Variants in SERPINA10 observed in about 807,000 individuals in gnomAD.
SERPINA10 encodes the protein protein Z-dependent protease inhibitor.
In SERPINA10, 24 loss-of-function variants were observed where a neutral mutation model predicts 28.0. The ratio of observed to expected loss-of-function variants is 0.86; its 90% CI spans 0.62 to 1.20. SERPINA10 has a LOEUF of 1.20. SERPINA10 is among the 50% of genes most tolerant of loss of function. SERPINA10 has a pLI of 0.00. For synonymous variants in SERPINA10, 207 were observed against 203.9 expected (o/e 1.02, Z -0.13); for missense variants, 521 against 537.7 (o/e 0.97, Z 0.31).
chr14:94,292,108 T>C (rs1232306658), intron 1 of SERPINA10, among the ~76,000 whole-genome samples: 1 of 152,230 alleles, frequency 6.6e-6, no homozygotes, highest in African/African-American at 2.4e-5. Flanking sequence ...TTTATTGTTA[T>C]GGACTGAATG....
chr14:94,292,002 A>G (rs921410295), intron 1 of SERPINA10, among the ~76,000 whole-genome samples: 37 of 152,064 alleles, frequency 2.4e-4, no homozygotes, highest in African/African-American at 6.3e-4. Flanking sequence ...GCTCTTTTTG[A>G]CTCTAAATGG....
At chr14:94,292,050 C>T (rs76540054) in intron 1 of SERPINA10, among the ~76,000 whole-genome samples, 188 of 152,330 alleles carry the variant, frequency 1.2e-3, no homozygotes, top group African/African-American at 4.2e-3. Flanking sequence ...GTATTGTAAA[C>T]GTTGGGTAAA....
In SERPINA10 at chr14:94,290,436, TG is replaced by T; in HGVS notation, c.157del (p.Gln53ArgfsTer16). On this transcript the variant is annotated frameshift_variant, in exon 2 of 5. Transcript: ENST00000261994. LOFTEE classifies it high-confidence loss of function. ...QAPKEEEEDE[Q>X]EASEEKASEE... ...ACTGGCCTTCTCCTCGCTGGCCTCC[TG>T]CTCATCTTCCTCTTCCTCCTTGGGA... 6.2e-7 allele frequency: 1 copy of T among 1,613,736 alleles called. No homozygotes were observed. Among genetic ancestry groups the T allele is most frequent in the Non-Finnish European group, 8.5e-7 (1 of 1,179,762 alleles).
chr14:94,287,752 C>T (rs757311482), intron 3 of SERPINA10, among the ~76,000 whole-genome samples: 10 of 152,196 alleles, frequency 6.6e-5, no homozygotes, highest in Admixed American at 2.0e-4. Flanking sequence ...TGATGTTCTT[C>T]AAACCCACCA....
In SERPINA10 at chr14:94,281,793, T is replaced by C. The variant is rs1894907806; in HGVS notation, c.*2172A>G. 1 of 152,220 alleles carries C rather than the reference T, an allele frequency of 6.6e-6. No homozygotes were observed. Among genetic ancestry groups the C allele is most frequent in the Non-Finnish European group, 1.5e-5 (1 of 68,040 alleles). 9.4% of individuals were successfully genotyped at this position (152,220 alleles called of 1,614,324 possible). A position where few individuals can be genotyped will look rare whatever the true frequency, so the allele number is the denominator to read the frequency against. ...AGAAGGCAGGAGTTTTTTATCTGCA[T>C]GCTATATGAATCCTTCAATAATAAT... On this transcript the variant is annotated 3_prime_UTR_variant, in exon 5 of 5. Transcript: ENST00000261994.
At chr14:94,285,578 CACAT>C (rs759302554) in intron 4 of SERPINA10, among the ~76,000 whole-genome samples, 1 of 146,896 alleles carries the variant, frequency 6.8e-6, no homozygotes, top group Non-Finnish European at 1.5e-5. Flanking sequence ...TATATATACA[CACAT>C]ATATATATAT....
chr14:94,291,123 C>T (rs1431159111), intron 1 of SERPINA10, among the ~76,000 whole-genome samples: 3 of 152,210 alleles, frequency 2.0e-5, no homozygotes, highest in Non-Finnish European at 4.4e-5. Context: ...GCCTGCATGC[C>T]CGTTAGGCAA....
chr14:94,285,848 T>C (rs899970527), intron 4 of SERPINA10, among the ~76,000 whole-genome samples: 2 of 152,170 alleles, frequency 1.3e-5, no homozygotes, highest in African/African-American at 2.4e-5. Context: ...CCAGTTCTAT[T>C]TCAGGGTCAA....
At chr14:94,288,178 T>G in intron 3 of SERPINA10, 108 bp downstream of exon 3, 2 of 1,464,214 alleles carry the variant, frequency 1.4e-6, no homozygotes, top group Non-Finnish European at 1.9e-6. Flanking sequence ...AGGAAACTTA[T>G]AGCTCACTGG....
In SERPINA10 at chr14:94,286,141, G is replaced by C. The variant is rs1566717651; in HGVS notation, c.1110C>G (p.Leu370=). Residue 370 remains leucine, a synonymous_variant, in exon 4 of 5, where the codon CTC becomes CTG. Coordinates refer to ENST00000261994, the MANE Select transcript of SERPINA10 (RefSeq NM_001100607.3). ...IFSPFADLSE[L]SATGRNLQVS... ...CTTGGAGATTTCTTCCAGTAGCTGA[G>C]AGTTCACTAAGGTCAGCAAAGGGTG... is the stretch of plus-strand genomic sequence containing the variant. The C allele has an allele frequency of 6.2e-7, 1 of 1,614,128 alleles. No homozygotes were observed. The highest frequency in any genetic ancestry group is 8.5e-7 in the Non-Finnish European group (1 of 1,180,022).
Position 94,288,554 on chromosome 14 carries a change from A to G in SERPINA10, c.724T>C (p.Trp242Arg). The change falls in exon 3 of 5, where the codon TGG becomes CGG. Residue 242 changes from tryptophan to arginine, a missense_variant. Trp to Arg is a moderately radical substitution (Grantham distance 101). Transcript: ENST00000261994. ...LVDYILFKGKWLTPFDPVFTE... is the reference protein window; with the variant it reads ...LVDYILFKGKRLTPFDPVFTE... ...AAGACAGGGTCAAATGGGGTCAACCATTTCCCTGAACAAGTAAGAGAAGAA... is the reference window on the plus strand; with the variant it reads ...AAGACAGGGTCAAATGGGGTCAACCGTTTCCCTGAACAAGTAAGAGAAGAA... The G allele has an allele frequency of 1.2e-6, 2 of 1,614,210 alleles. No individual in the cohort carries two copies. The highest frequency in any genetic ancestry group is 8.5e-7 in the Non-Finnish European group (1 of 1,180,026).
Position 94,290,549 on chromosome 14 carries a change from C to T in SERPINA10, c.45G>A (p.Gln15=), listed in dbSNP as rs1191908483. ...PSLLLSVLLA[Q]VWLVPGLAPS... ...GGGCCAAGCCGGGTACCAGCCACAC[C>T]TGTGCCAGGAGGACGGAGAGCAGGA... Residue 15 remains glutamine, a synonymous_variant, in exon 2 of 5, where the codon CAG becomes CAA. Coordinates refer to ENST00000261994, the MANE Select transcript of SERPINA10 (RefSeq NM_001100607.3). 1.9e-6 allele frequency: 3 copies of T among 1,613,678 alleles called. No individual in the cohort carries two copies. The highest frequency in any genetic ancestry group is 2.5e-6 in the Non-Finnish European group (3 of 1,179,888).
In SERPINA10 at chr14:94,283,775, A is replaced by G. The variant is rs1346161405; in HGVS notation, c.*190T>C. 8.0e-6 allele frequency: 5 copies of G among 625,818 alleles called. No homozygotes were observed. Among genetic ancestry groups the G allele is most frequent in the South Asian group, 5.8e-5 (3 of 51,692 alleles). 38.8% of individuals were successfully genotyped at this position (625,818 alleles called of 1,614,324 possible). A position where few individuals can be genotyped will look rare whatever the true frequency, so the allele number is the denominator to read the frequency against. On this transcript the variant is annotated 3_prime_UTR_variant, in exon 5 of 5. Coordinates refer to ENST00000261994, the MANE Select transcript of SERPINA10 (RefSeq NM_001100607.3). Reference sequence around the variant, plus strand: ...TTCAGCACTGTCCACCGTTTCAGGCATCTGCTGGGGGTCTTTGAATGTATC... The same window carrying G: ...TTCAGCACTGTCCACCGTTTCAGGCGTCTGCTGGGGGTCTTTGAATGTATC...
chr14:94,289,066 A>G (rs1326355787), intron 2 of SERPINA10, among the ~76,000 whole-genome samples: 1 of 152,232 alleles, frequency 6.6e-6, no homozygotes, highest in Non-Finnish European at 1.5e-5. Flanking sequence ...CACAATGCAG[A>G]GGCTACTAGC....
intron 4 of SERPINA10, 54 bp downstream of exon 4, chr14:94,286,054 G>C (rs936529645): frequency 6.2e-7 from 1 of 1,603,374 alleles, no homozygotes; most frequent in Non-Finnish European, 8.5e-7. Flanking sequence ...AAAAGCATTT[G>C]TTTTGGTGAC....
At position 94,290,367 on chromosome 14, in the gene SERPINA10, G is replaced by A. The variant is rs755580738; in HGVS notation, c.227C>T (p.Ala76Val). 33 of 1,614,080 alleles carry A rather than the reference G, an allele frequency of 2.0e-5. No individual in the cohort carries two copies. The highest frequency in any genetic ancestry group is 3.3e-5 in the South Asian group (3 of 91,092). ...AWLMASRQQLAKETSNFGFSL... is the reference protein window; with the variant it reads ...AWLMASRQQLVKETSNFGFSL... Reference sequence around the variant, plus strand: ...GAATCCGAAGTTTGAAGTCTCCTTGGCAAGCTGCTGCCTGCTGGCCATCAG... The same window carrying A: ...GAATCCGAAGTTTGAAGTCTCCTTGACAAGCTGCTGCCTGCTGGCCATCAG... Residue 76 changes from alanine (A) to valine (V), a missense_variant, in exon 2 of 5, where the codon GCC (alanine) becomes GTC (valine). Physicochemically the swap from Ala to Val is moderately conservative, Grantham distance 64 (BLOSUM62 0). Transcript: ENST00000261994.
At position 94,289,889 on chromosome 14, in the gene SERPINA10, G is replaced by A. The variant is rs775233403; in HGVS notation, c.705C>T (p.Tyr235=). ...NPETKLILVD[Y]ILFKGKWLTP... is the part of the protein sequence containing the mutation. ...TTATCAAAGTACCTTTGAACAAGAT[G>A]TAATCCACAAGAATTAATTTGGTTT... Residue 235 remains tyrosine (Y), a synonymous_variant, in exon 2 of 5, where the codon TAC becomes TAT. Transcript: ENST00000261994. The A allele has an allele frequency of 6.2e-7, 1 of 1,613,962 alleles. No homozygotes were observed. Among genetic ancestry groups the A allele is most frequent in the Non-Finnish European group, 8.5e-7 (1 of 1,179,930 alleles).
chr14:94,284,905 A>G (rs1350054269), intron 4 of SERPINA10, among the ~76,000 whole-genome samples: 3 of 152,188 alleles, frequency 2.0e-5, no homozygotes, highest in East Asian at 3.9e-4. Context: ...TACAGTTTAA[A>G]TTTCATGATG....
At chr14:94,291,654 G>C (rs1895181248) in intron 1 of SERPINA10, among the ~76,000 whole-genome samples, 1 of 152,192 alleles carries the variant, frequency 6.6e-6, no homozygotes, top group East Asian at 1.9e-4. Flanking sequence ...GGGTCTGGGT[G>C]GGGTAGGCCA....
Sources: gnomAD v4.1 joint callset for allele counts (sites outside exome capture counted in the v4.1 genomes callset) on GRCh38, gnomAD v4.1.1 for gene constraint, MANE v1.5 for transcripts, NCBI Gene and HGNC (gene_info 2026-07-23, HGNC 2026-07-21) for gene names.